KAT2B: variants seen among roughly 807,000 people sequenced by gnomAD.
KAT2B encodes the protein lysine acetyltransferase 2B, also known as histone acetyltransferase KAT2B.
A neutral mutation model predicts 105.9 loss-of-function variants in KAT2B; 36 were observed. The ratio of observed to expected loss-of-function variants is 0.34; its 90% CI spans 0.26 to 0.45. The LOEUF is 0.45. KAT2B is among the 20% of genes least tolerant of loss of function. The pLI is 1.00. For missense variants in KAT2B, 820 were observed against 1,021.6 expected, an observed-to-expected ratio of 0.80 and a Z score of 2.69; for synonymous variants, 397 against 377.9, an observed-to-expected ratio of 1.05 and a Z score of -0.59.
chr3:20,087,415 G>C (rs1698640354), intron 2 of KAT2B, among the ~76,000 whole-genome samples: 1 of 151,580 alleles, frequency 6.6e-6, no homozygotes, highest in African/African-American at 2.4e-5. Flanking sequence ...TATTTATCGT[G>C]TATAATGTGA....
chr3:20,133,826 C>G (rs1163861586), intron 11 of KAT2B, among the ~76,000 whole-genome samples: 2 of 152,200 alleles, frequency 1.3e-5, no homozygotes, highest in African/African-American at 2.4e-5. Context: ...TGCACGCCGT[C>G]AAGTGCAATA....
chr3:20,075,196 G>A (rs1698395677), intron 2 of KAT2B, among the ~76,000 whole-genome samples: 2 of 152,018 alleles, frequency 1.3e-5, no homozygotes, highest in Admixed American at 1.3e-4. Context: ...CCTAGGAGGC[G>A]GAGGTTGTAG....
intron 1 of KAT2B, among the ~76,000 whole-genome samples, chr3:20,055,809 A>G (rs1006332975): frequency 6.6e-6 from 1 of 152,192 alleles, no homozygotes. Context: ...GCTCCTTGCC[A>G]TTCAAGTCTC....
intron 2 of KAT2B, among the ~76,000 whole-genome samples, chr3:20,086,145 A>G (rs961246587): frequency 2.0e-5 from 3 of 151,942 alleles, no homozygotes; most frequent in Admixed American, 6.6e-5. Context: ...GATGGTATGC[A>G]CCTGTAGTCC....
chr3:20,111,434 T>A (rs1431344475), intron 5 of KAT2B, among the ~76,000 whole-genome samples, 162 bp from the exon 6 acceptor site: 1 of 152,236 alleles, frequency 6.6e-6, no homozygotes, highest in Admixed American at 6.5e-5. Context: ...GTAATCTAAT[T>A]GCATTCCCAA....
chr3:20,136,663 T>G (rs945778190), intron 11 of KAT2B, among the ~76,000 whole-genome samples: 3 of 152,216 alleles, frequency 2.0e-5, no homozygotes, highest in Non-Finnish European at 2.9e-5. Context: ...TAGGAACTTG[T>G]GGCCCTGGTG....
rs900105178 is a variant in KAT2B at position 20,153,258 on chromosome 3, C to T, written c.*733C>T. On this transcript the variant is annotated 3_prime_UTR_variant, in exon 18 of 18. Coordinates refer to ENST00000263754, the MANE Select transcript of KAT2B (RefSeq NM_003884.5). ...TTTTCTCTACACAAATGTGTAATAT[C>T]ATATTTGACTTTGCTTATGCAGGCC... The T allele has an allele frequency of 6.6e-6, 1 of 152,222 alleles. No individual in the cohort carries two copies. Among genetic ancestry groups the T allele is most frequent in the African/African-American group, 2.4e-5 (1 of 41,440 alleles). The allele number at this position is 152,222 out of a possible 1,614,324, so 9.4% of individuals were successfully genotyped here.
At chr3:20,055,604 G>A (rs1697991102) in intron 1 of KAT2B, among the ~76,000 whole-genome samples, 1 of 152,090 alleles carries the variant, frequency 6.6e-6, no homozygotes. Context: ...AGGCCTGTCA[G>A]GAGACCTGTG....
chr3:20,053,640 G>T (rs560768363), intron 1 of KAT2B, among the ~76,000 whole-genome samples: 48 of 152,248 alleles, frequency 3.2e-4, no homozygotes, highest in Middle Eastern at 3.4e-3. Context: ...TATTCTAGAA[G>T]TCTGTATTAT....
chr3:20,121,509 C>T (rs1699306818), intron 8 of KAT2B, among the ~76,000 whole-genome samples: 1 of 152,112 alleles, frequency 6.6e-6, no homozygotes, highest in African/African-American at 2.4e-5. Context: ...GCATGGCTCT[C>T]CTATTGTGTG....
At chr3:20,115,859 G>A (rs546396880) in intron 7 of KAT2B, among the ~76,000 whole-genome samples, 1 of 152,240 alleles carries the variant, frequency 6.6e-6, no homozygotes, top group South Asian at 2.1e-4. Flanking sequence ...CATAGGAGTG[G>A]AATCATATAG....
chr3:20,099,826 T>G, intron 3 of KAT2B, 36 bp from the exon 4 acceptor site: 1 of 1,174,686 alleles, frequency 8.5e-7, no homozygotes, highest in Non-Finnish European at 1.3e-6. Context: ...ACCAATTAAG[T>G]TTTTCTTTTT....
intron 2 of KAT2B, among the ~76,000 whole-genome samples, chr3:20,078,877 C>CTTTTT (rs200121446): frequency 7.5e-6 from 1 of 133,754 alleles, no homozygotes; most frequent in Non-Finnish European, 1.6e-5. Flanking sequence ...ACTCCCAGAG[C>CTTTTT]TTTTTTTTTT....
chr3:20,134,171 C>G (rs1031593496), intron 11 of KAT2B, among the ~76,000 whole-genome samples: 2 of 152,006 alleles, frequency 1.3e-5, no homozygotes, highest in African/African-American at 4.8e-5. Context: ...CTTTAAGAAG[C>G]CTTTTTGTAT....
Position 20,127,414 on chromosome 3 carries a change from T to C in KAT2B, c.1623-9T>C, listed in dbSNP as rs1699425768. On this transcript the variant is annotated splice_polypyrimidine_tract_variant and intron_variant, in intron 10 of 17. Transcript: ENST00000263754. ...TAGGTAAAACTTTGACATAATCTTATTCTTTCAGGAAACACAAAACCCTTG... is the reference window on the plus strand; with the variant it reads ...TAGGTAAAACTTTGACATAATCTTACTCTTTCAGGAAACACAAAACCCTTG... 1 of 1,611,706 alleles carries C rather than the reference T, an allele frequency of 6.2e-7. No homozygotes were observed. Among genetic ancestry groups the C allele is most frequent in the Non-Finnish European group, 8.5e-7 (1 of 1,177,912 alleles).
At chr3:20,148,514 T>C in intron 17 of KAT2B, 27 bp downstream of exon 17, 1 of 1,498,288 alleles carries the variant, frequency 6.7e-7, no homozygotes, top group Non-Finnish European at 9.1e-7. Context: ...TTTCTAAGTA[T>C]AGATTTAAAA....
Position 20,143,452 on chromosome 3 carries a change from G to A in KAT2B, c.2005-2864G>A, listed in dbSNP as rs560837241. On this transcript the variant is annotated intron_variant, in intron 13 of 17. Coordinates refer to ENST00000263754, the MANE Select transcript of KAT2B (RefSeq NM_003884.5). Reference sequence around the variant, plus strand: ...CTTGGTGGGAATGCAAATTAGTTCAGCCCCTGTGGAAAGCCGTTTGGAGAT... The same window carrying A: ...CTTGGTGGGAATGCAAATTAGTTCAACCCCTGTGGAAAGCCGTTTGGAGAT... Among the ~76,000 whole-genome samples, 46 of 152,254 alleles carry A rather than the reference G, an allele frequency of 3.0e-4. 1 individual carries two copies. The highest frequency in any genetic ancestry group is 1.1e-3 in the African/African-American group (45 of 41,548).
intron 2 of KAT2B, among the ~76,000 whole-genome samples, chr3:20,083,601 G>A (rs978403026): frequency 6.6e-6 from 1 of 152,200 alleles, no homozygotes; most frequent in Non-Finnish European, 1.5e-5. Flanking sequence ...TAGAGATGGG[G>A]TTGTTTAAGG....
intron 1 of KAT2B, among the ~76,000 whole-genome samples, chr3:20,067,306 G>A (rs553518327): frequency 2.6e-5 from 4 of 151,992 alleles, no homozygotes; most frequent in African/African-American, 9.7e-5. Flanking sequence ...CAACACGTGC[G>A]GTTAATATTC....
Sources: gnomAD v4.1 joint callset for allele counts (sites outside exome capture counted in the v4.1 genomes callset) on GRCh38, gnomAD v4.1.1 for gene constraint, MANE v1.5 for transcripts, NCBI Gene and HGNC (gene_info 2026-07-23, HGNC 2026-07-21) for gene names.